Variants in DPP10 observed in about 807,000 individuals in gnomAD.
DPP10 encodes dipeptidyl peptidase like 10, also known as inactive dipeptidyl peptidase 10.
A neutral mutation model predicts 120.9 loss-of-function variants in DPP10; 33 were observed. That is an observed-to-expected ratio of 0.27 (90% CI 0.21 to 0.37). The LOEUF (loss-of-function observed/expected upper bound fraction) is 0.37, where lower values mean the gene tolerates loss of function less well. DPP10 is among the 10% of genes least tolerant of loss of function. The pLI, the probability that DPP10 is intolerant of heterozygous loss-of-function variation, is 1.00. For synonymous variants in DPP10, 337 were observed against 326.1 expected (o/e 1.03, Z -0.36); for missense variants, 816 against 942.8 (o/e 0.87, Z 1.76).
At chr2:114,801,118 C>T (rs1049335115) in intron 1 of DPP10, among the ~76,000 whole-genome samples, 1 of 151,452 alleles carries the variant, frequency 6.6e-6, no homozygotes, top group African/African-American at 2.4e-5. Context: ...AAAAAATTAG[C>T]CGGGTGTGGT....
intron 24 of DPP10, among the ~76,000 whole-genome samples, chr2:115,837,509 A>G (rs928574992): frequency 1.1e-4 from 17 of 152,212 alleles, no homozygotes; most frequent in African/African-American, 3.9e-4. Flanking sequence ...TCTTGAATCA[A>G]TATTTCCTAA....
In DPP10 at chr2:115,216,266, G is replaced by A. The variant is rs541508524; in HGVS notation, c.61-92973G>A. On this transcript the variant is annotated intron_variant, in intron 1 of 25. Transcript: ENST00000410059. ...GCTTCCCCACTACACGATGTAACCCGGTAACAAAACTGCGCTGGCACACCC... is the reference window on the plus strand; with the variant it reads ...GCTTCCCCACTACACGATGTAACCCAGTAACAAAACTGCGCTGGCACACCC... 7.9e-5 allele frequency among the ~76,000 whole-genome samples: 12 copies of A among 152,060 alleles called. No individual in the cohort carries two copies. In the South Asian group the frequency reaches 1.2e-3, roughly 16 times the overall value.
At chr2:114,481,422 G>A (rs1292856573) in intron 1 of DPP10, among the ~76,000 whole-genome samples, 1 of 152,006 alleles carries the variant, frequency 6.6e-6, no homozygotes, top group East Asian at 1.9e-4. Context: ...AACACCAAAT[G>A]CTAACAAGAA....
At chr2:115,276,690 C>T (rs1172267938) in intron 1 of DPP10, among the ~76,000 whole-genome samples, 1 of 152,180 alleles carries the variant, frequency 6.6e-6, no homozygotes, top group Admixed American at 6.5e-5. Context: ...CAATGAGATA[C>T]AATCATCTTT....
At chr2:115,133,145 GTATATATA>G (rs1246180843) in intron 1 of DPP10, among the ~76,000 whole-genome samples, 317 of 28,774 alleles carry the variant, frequency 0.011, 3 homozygotes, top group Middle Eastern at 0.045. Context: ...GTGTGTGTGT[GTATATATA>G]TATATATATA....
intron 1 of DPP10, among the ~76,000 whole-genome samples, chr2:115,087,527 TC>T (rs1210217452): frequency 9.9e-4 from 88 of 88,578 alleles, no homozygotes; most frequent in Middle Eastern, 6.3e-3. Context: ...TTCTTTCTTT[TC>T]TTTTCTTTTC....
intron 7 of DPP10, among the ~76,000 whole-genome samples, chr2:115,694,396 CAAGGGATTGACAT>C (rs2091473664): frequency 6.6e-6 from 1 of 152,068 alleles, no homozygotes; most frequent in Admixed American, 6.6e-5. Context: ...AGAAGAGAGG[CAAGGGATTGACAT>C]AATTTACTGA....
rs1491280011 is a variant in DPP10 at position 115,711,915 on chromosome 2, G to GTTTTTTTTTTTTTTTTTTTTTTTTTTTT, written c.577-15901_577-15900insTTTTTTTTTTTTTTTTTTTTTTTTTTTT. On this transcript the variant is annotated intron_variant, in intron 7 of 25. Coordinates refer to ENST00000410059, the MANE Select transcript of DPP10 (RefSeq NM_020868.6). ...GAATATTGGACCTATAAAATGGTCT[G>GTTTTTTTTTTTTTTTTTTTTTTTTTTTT]GTTTTTTTTTTTTTTTTTTTTTTGG... 1.3e-4 allele frequency among the ~76,000 whole-genome samples: 13 copies of GTTTTTTTTTTTTTTTTTTTTTTTTTTTT among 96,986 alleles called. 6 individuals are homozygous for GTTTTTTTTTTTTTTTTTTTTTTTTTTTT. The highest frequency in any genetic ancestry group is 4.2e-5 in the African/African-American group (1 of 23,900). The allele number at this position is 96,986 out of a possible 152,430, so 63.6% of individuals were successfully genotyped here.
intron 1 of DPP10, among the ~76,000 whole-genome samples, chr2:115,291,938 A>T (rs1484573173): frequency 6.6e-6 from 1 of 152,178 alleles, no homozygotes; most frequent in Non-Finnish European, 1.5e-5. Flanking sequence ...TGCCTTTCCC[A>T]TAAGTTTACA....
intron 1 of DPP10, among the ~76,000 whole-genome samples, chr2:114,607,377 T>C (rs1692901019): frequency 6.6e-6 from 1 of 152,168 alleles, no homozygotes; most frequent in Non-Finnish European, 1.5e-5. Context: ...TTTATGTGCC[T>C]ATGTGACAAA....
chr2:114,565,179 A>AACTCTGTC (rs1689102247), intron 1 of DPP10, among the ~76,000 whole-genome samples: 1 of 152,160 alleles, frequency 6.6e-6, no homozygotes, highest in Admixed American at 6.5e-5. Context: ...CCAAGACAGG[A>AACTCTGTC]ACTCTGTCAC....
intron 8 of DPP10, 100 bp downstream of exon 8, chr2:115,728,036 C>T: frequency 7.5e-7 from 1 of 1,332,628 alleles, no homozygotes; most frequent in Non-Finnish European, 1.0e-6. Context: ...ACTTACAGTA[C>T]AGTTTCTTCT....
rs189294983 is a variant in DPP10, at chr2:115,274,287, T to C, written c.61-34952T>C. Among the ~76,000 whole-genome samples the C allele has an allele frequency of 3.2e-4, 48 of 152,338 alleles. 2 individuals carry two copies. In the East Asian group the frequency reaches 8.9e-3, roughly 28 times the overall value. On this transcript the variant is annotated intron_variant, in intron 1 of 25. Transcript: ENST00000410059. Reference sequence around the variant, plus strand: ...AAGTGAATTGAAAACTTTACTATTATGAACCCTGTCGTTTCCTATTGAGGT... The same window carrying C: ...AAGTGAATTGAAAACTTTACTATTACGAACCCTGTCGTTTCCTATTGAGGT...
intron 1 of DPP10, among the ~76,000 whole-genome samples, chr2:114,669,271 A>G (rs1380471370): frequency 6.6e-6 from 1 of 152,202 alleles, no homozygotes; most frequent in Non-Finnish European, 1.5e-5. Flanking sequence ...CCCTAATTTC[A>G]GCAATGCTTT....
At chr2:114,501,081 T>C (rs1683129725) in intron 1 of DPP10, among the ~76,000 whole-genome samples, 1 of 152,232 alleles carries the variant, frequency 6.6e-6, no homozygotes, top group Non-Finnish European at 1.5e-5. Flanking sequence ...CCAGGTCTCA[T>C]AGCTTTTCTT....
intron 1 of DPP10, among the ~76,000 whole-genome samples, chr2:114,649,348 T>C (rs981516150): frequency 1.3e-5 from 2 of 152,008 alleles, no homozygotes; most frequent in Admixed American, 6.6e-5. Context: ...TCCTGAGATT[T>C]TTTTTTTCTT....
At chr2:115,259,586 A>G (rs1382948557) in intron 1 of DPP10, among the ~76,000 whole-genome samples, 2 of 152,068 alleles carry the variant, frequency 1.3e-5, no homozygotes, top group Non-Finnish European at 2.9e-5. Context: ...CTAGAAAACC[A>G]TTTACTTATT....
chr2:115,282,519 T>A (rs982443979), intron 1 of DPP10, among the ~76,000 whole-genome samples: 4 of 152,128 alleles, frequency 2.6e-5, no homozygotes, highest in African/African-American at 9.7e-5. Context: ...TTTATACTTA[T>A]AATGTCTTAC....
At chr2:114,965,983 A>AAAG (rs1553462478) in intron 1 of DPP10, among the ~76,000 whole-genome samples, 10 of 146,698 alleles carry the variant, frequency 6.8e-5, no homozygotes, top group African/African-American at 2.6e-4. Flanking sequence ...AAAAAAAAAA[A>AAAG]AAAAGAAAAA....
Sources: gnomAD v4.1 joint callset for allele counts (sites outside exome capture counted in the v4.1 genomes callset) on GRCh38, gnomAD v4.1.1 for gene constraint, MANE v1.5 for transcripts, NCBI Gene and HGNC (gene_info 2026-07-23, HGNC 2026-07-21) for gene names.